PPP1R12B: variants seen among roughly 807,000 people sequenced by gnomAD.
The protein encoded by PPP1R12B is protein phosphatase 1 regulatory subunit 12B.
PPP1R12B carries 76 observed loss-of-function variants against 126.1 expected under a neutral mutation model. That is an observed-to-expected ratio of 0.60 (90% CI 0.50 to 0.73). The LOEUF is 0.73. PPP1R12B is among the 30% of genes least tolerant of loss of function. PPP1R12B has a pLI of 0.00. For missense variants in PPP1R12B, 1,052 were observed against 1,205.1 expected (o/e 0.87, Z 1.88); for synonymous variants, 356 against 434.7 (o/e 0.82, Z 2.25).
intron 18 of PPP1R12B, among the ~76,000 whole-genome samples, chr1:202,523,441 C>A (rs1342727271): frequency 6.6e-6 from 1 of 152,106 alleles, no homozygotes; most frequent in Non-Finnish European, 1.5e-5. Flanking sequence ...AGGAGTTAGC[C>A]ACAAAGATAT....
At chr1:202,437,036 A>G (rs1045483572) in intron 9 of PPP1R12B, among the ~76,000 whole-genome samples, 1 of 152,186 alleles carries the variant, frequency 6.6e-6, no homozygotes, top group Non-Finnish European at 1.5e-5. Flanking sequence ...GTGTTTATAA[A>G]TTAGCTCATT....
chr1:202,571,574 C>A (rs142966655), intron 23 of PPP1R12B, among the ~76,000 whole-genome samples: 221 of 152,344 alleles, frequency 1.5e-3, no homozygotes, highest in African/African-American at 5.1e-3. Flanking sequence ...CCTGCCTCAG[C>A]CTCCAAGGAG....
At chr1:202,492,551 G>A (rs896989533) in intron 14 of PPP1R12B, among the ~76,000 whole-genome samples, 1 of 152,128 alleles carries the variant, frequency 6.6e-6, no homozygotes, top group Non-Finnish European at 1.5e-5. Flanking sequence ...TGACACTGTG[G>A]GGGGAACATT....
chr1:202,517,005 TTCTGTG>T (rs1156262502), intron 18 of PPP1R12B, among the ~76,000 whole-genome samples: 3 of 152,208 alleles, frequency 2.0e-5, no homozygotes, highest in Non-Finnish European at 2.9e-5. Flanking sequence ...CTTCTGCCTT[TTCTGTG>T]TCTAGCTTAC....
intron 18 of PPP1R12B, among the ~76,000 whole-genome samples, chr1:202,538,348 C>T (rs1410968361): frequency 6.6e-6 from 1 of 152,180 alleles, no homozygotes; most frequent in Non-Finnish European, 1.5e-5. Flanking sequence ...ATTTATCAGT[C>T]TTCTTAAGGA....
intron 18 of PPP1R12B, among the ~76,000 whole-genome samples, chr1:202,537,919 A>G (rs1337387519): frequency 1.3e-5 from 2 of 152,370 alleles, no homozygotes; most frequent in African/African-American, 2.4e-5. Flanking sequence ...GAGATTAGCT[A>G]TATAAGCTAT....
intron 1 of PPP1R12B, among the ~76,000 whole-genome samples, chr1:202,403,517 T>C (rs1163222451): frequency 6.6e-6 from 1 of 152,232 alleles, no homozygotes; most frequent in Non-Finnish European, 1.5e-5. Flanking sequence ...TCCCCTGTTG[T>C]GTGGGCTGCT....
chr1:202,382,116 C>T (rs769798105), intron 1 of PPP1R12B, among the ~76,000 whole-genome samples: 13 of 152,086 alleles, frequency 8.5e-5, no homozygotes, highest in Non-Finnish European at 1.8e-4. Context: ...AGTTCATGTC[C>T]TTTGTAGGGA....
At chr1:202,377,846 T>C (rs905082120) in intron 1 of PPP1R12B, among the ~76,000 whole-genome samples, 1 of 140,104 alleles carries the variant, frequency 7.1e-6, no homozygotes, top group Non-Finnish European at 1.5e-5. Context: ...TTTTTTTTTT[T>C]TTTTTTTTTT....
At chr1:202,566,701 T>C (rs1189714626) in intron 21 of PPP1R12B, among the ~76,000 whole-genome samples, 2 of 152,200 alleles carry the variant, frequency 1.3e-5, no homozygotes, top group Admixed American at 6.5e-5. Context: ...TCATAGTAGA[T>C]GCAGCATAAA....
Position 202,427,027 on chromosome 1 carries a change from G to A in PPP1R12B, c.702-13G>A, listed in dbSNP as rs769959080. ...ACAGAAGATATATGTCTTGTTTTGG[G>A]TTTTCTTTTTAGACTTTTAATTCAG... On this transcript the variant is annotated splice_polypyrimidine_tract_variant and intron_variant, in intron 4 of 23. Transcript: ENST00000608999. 2 of 1,607,058 alleles carry A rather than the reference G, an allele frequency of 1.2e-6. No homozygotes were observed. The highest frequency in any genetic ancestry group is 2.7e-5 in the African/African-American group (2 of 74,400).
chr1:202,428,060 T>TGTAATCCAAAACTC, intron 5 of PPP1R12B, among the ~76,000 whole-genome samples: 1 of 152,200 alleles, frequency 6.6e-6, no homozygotes, highest in East Asian at 1.9e-4. Context: ...TTCCCAGCCT[T>TGTAATCCAAAACTC]GCCACTTGTA....
At chr1:202,573,281 T>C (rs1688781042) in intron 23 of PPP1R12B, among the ~76,000 whole-genome samples, 1 of 152,170 alleles carries the variant, frequency 6.6e-6, no homozygotes, top group South Asian at 2.1e-4. Context: ...CACCCTCCAA[T>C]GGCTACATGA....
At chr1:202,372,787 T>A (rs1334096133) in intron 1 of PPP1R12B, among the ~76,000 whole-genome samples, 1 of 151,574 alleles carries the variant, frequency 6.6e-6, no homozygotes, top group African/African-American at 2.4e-5. Context: ...TAAAAAAAAA[T>A]AAAAAAGTAA....
At chr1:202,480,946 T>C (rs1011680063) in intron 13 of PPP1R12B, among the ~76,000 whole-genome samples, 7 of 152,224 alleles carry the variant, frequency 4.6e-5, no homozygotes, top group Admixed American at 4.6e-4. Context: ...ACTGGTTTCA[T>C]GGAAGACAAT....
At chr1:202,357,197 A>T (rs902957647) in intron 1 of PPP1R12B, among the ~76,000 whole-genome samples, 1 of 152,216 alleles carries the variant, frequency 6.6e-6, no homozygotes, top group Non-Finnish European at 1.5e-5. Context: ...GTTTTAAGCA[A>T]CTAAGTTTAT....
At chr1:202,379,677 A>G (rs896009313) in intron 1 of PPP1R12B, among the ~76,000 whole-genome samples, 6 of 152,176 alleles carry the variant, frequency 3.9e-5, no homozygotes, top group African/African-American at 1.2e-4. Context: ...TTTTTCCCCT[A>G]ATTTCACATC....
At chr1:202,439,413 G>T (rs983400702) in intron 10 of PPP1R12B, 3 of 1,245,186 alleles carry the variant, frequency 2.4e-6, no homozygotes, top group South Asian at 1.2e-5. Context: ...CACGGAGACC[G>T]CCCTGTACTG....
rs1240157275 is a variant in PPP1R12B, at chr1:202,475,919, A to C, written c.1851-12614A>C. Reference sequence around the variant, plus strand: ...TCTTATGTTAATACACAGGACATTGACTGGGCATCGTGGCTCATGCCTGTA... The same window carrying C: ...TCTTATGTTAATACACAGGACATTGCCTGGGCATCGTGGCTCATGCCTGTA... On this transcript the variant is annotated intron_variant, in intron 13 of 23. Coordinates refer to ENST00000608999, the MANE Select transcript of PPP1R12B (RefSeq NM_002481.4). 5.3e-5 allele frequency among the ~76,000 whole-genome samples: 8 copies of C among 152,072 alleles called. No homozygotes were observed. In the East Asian group the frequency reaches 1.5e-3, roughly 29 times the overall value.
Sources: allele counts gnomAD v4.1 joint callset (sites outside exome capture counted in the v4.1 genomes callset), GRCh38; gene constraint gnomAD v4.1.1; transcripts MANE v1.5; gene names NCBI Gene and HGNC (gene_info 2026-07-23, HGNC 2026-07-21).